The following SHROOM3 variants were observed in gnomAD, a reference collection of about 807,000 sequenced individuals.
SHROOM3 encodes shroom family member 3.
In SHROOM3, 47 loss-of-function variants were observed where a neutral mutation model predicts 138.6. The ratio of observed to expected loss-of-function variants is 0.34; its 90% confidence interval spans 0.27 to 0.43. The LOEUF (loss-of-function observed/expected upper bound fraction) is 0.43, where lower values mean the gene tolerates loss of function less well. Ranked by LOEUF, SHROOM3 falls within the 20% of genes least tolerant of loss-of-function variation. The pLI, the probability that SHROOM3 is intolerant of heterozygous loss-of-function variation, is 1.00. For missense variants in SHROOM3, 2,491 were observed against 2,596.5 expected (o/e 0.96, Z 0.88); for synonymous variants, 1,062 against 1,063.3 (o/e 1.00, Z 0.02).
rs1383430989 is a variant in SHROOM3, at chr4:76,664,590, T to G, written c.324-45566T>G. On this transcript the variant is annotated intron_variant, in intron 2 of 10. Transcript: ENST00000296043. The surrounding 1 kb of genome is among the most constrained non-coding windows in gnomAD (Gnocchi z 4.2). ...GTTGGTTTGAGGTTGGTCCTGGGCC[T>G]CTGGGTCTTTATGCTTTTGTTACTG... Among the ~76,000 whole-genome samples, 1 of 152,240 alleles carries G rather than the reference T, an allele frequency of 6.6e-6. No homozygotes were observed. Among genetic ancestry groups the G allele is most frequent in the East Asian group, 1.9e-4 (1 of 5,200 alleles).
rs374530154 is a variant in SHROOM3, at chr4:76,441,086, G to GT, written c.168+4887dup. Among the ~76,000 whole-genome samples, 1,802 of 82,050 alleles carry GT rather than the reference G, an allele frequency of 0.022. 292 individuals are homozygous for GT. The East Asian group carries it at 0.24, about 11-fold the overall frequency. 53.8% of individuals were successfully genotyped at this position (82,050 alleles called of 152,430 possible). ...TCAGCCACAGTCCTGAGTTCAATTT[G>GT]TTTTTTTTTTTTTTTTTTTTTGAGA... is the stretch of plus-strand genomic sequence containing the variant. On this transcript the variant is annotated intron_variant, in intron 1 of 10. Transcript: ENST00000296043.
intron 2 of SHROOM3, among the ~76,000 whole-genome samples, chr4:76,585,359 C>G (rs1164704371): frequency 3.3e-5 from 5 of 152,154 alleles, no homozygotes; most frequent in African/African-American, 4.8e-5. Flanking sequence ...CATTTACATA[C>G]CCATAAACTC....
chr4:76,592,512 G>T (rs1197109001), intron 2 of SHROOM3, among the ~76,000 whole-genome samples: 2 of 152,148 alleles, frequency 1.3e-5, no homozygotes, highest in Non-Finnish European at 2.9e-5. Flanking sequence ...AAAGTTAATT[G>T]TTTCTTATGA....
Position 76,710,280 on chromosome 4 carries a change from A to C in SHROOM3, c.448A>C (p.Lys150Gln). 6.2e-7 allele frequency: 1 copy of C among 1,614,048 alleles called. No homozygotes were observed. The highest frequency in any genetic ancestry group is 1.1e-5 in the South Asian group (1 of 91,068). ...AWSGGVKLRL[K>Q]HRRSEPAGRP... ...GTCAGGAGGGGTTAAACTTCGGCTG[A>C]AGCACAGGTAAGACGCACGGAAGTT... The change falls in exon 3 of 11, where the codon AAG becomes CAG. Residue 150 changes from lysine to glutamine, a missense_variant. Around this residue, in one of 4 missense-constraint regions of SHROOM3, gnomAD observed 284 missense variants for 322.8 expected, o/e 0.88. Transcript: ENST00000296043.
Position 76,754,432 on chromosome 4 carries a change from C to G in SHROOM3, c.3949C>G (p.Pro1317Ala). ...TGATTCCTCCGTTCCTAGTGAATGT[C>G]CTGGAACCCTGGACCATCAGAGGCA... Reference protein sequence around the residue: ...IGDSSVPSECPGTLDHQRQAS... With the variant: ...IGDSSVPSECAGTLDHQRQAS... The change falls in exon 7 of 11, where the codon CCT becomes GCT. Residue 1317 changes from proline (P) to alanine (A), a missense_variant. Physicochemically the swap from Pro to Ala is conservative, Grantham distance 27. Coordinates refer to ENST00000296043, the MANE Select transcript of SHROOM3 (RefSeq NM_020859.4). The G allele has an allele frequency of 6.2e-7, 1 of 1,614,152 alleles. No homozygotes were observed. The highest frequency in any genetic ancestry group is 1.1e-5 in the South Asian group (1 of 91,082).
At chr4:76,451,541 A>G (rs1343057840) in intron 1 of SHROOM3, among the ~76,000 whole-genome samples, 2 of 152,352 alleles carry the variant, frequency 1.3e-5, no homozygotes, top group South Asian at 2.1e-4. Context: ...GATGTGCGCT[A>G]GTGCCCTTTT....
At chr4:76,727,626 A>G (rs1577999316) in intron 3 of SHROOM3, among the ~76,000 whole-genome samples, 2 of 152,176 alleles carry the variant, frequency 1.3e-5, no homozygotes, top group East Asian at 3.9e-4. Flanking sequence ...ACGGTGGCTC[A>G]CGCCTGTAAT....
intron 1 of SHROOM3, among the ~76,000 whole-genome samples, chr4:76,503,196 C>CACACACACACAT (rs1732137893): frequency 6.6e-6 from 1 of 150,766 alleles, no homozygotes; most frequent in African/African-American, 2.5e-5. Flanking sequence ...CACACACACA[C>CACACACACACAT]ATGCCTAGAG....
intron 1 of SHROOM3, among the ~76,000 whole-genome samples, chr4:76,477,829 G>A (rs1045959829): frequency 3.3e-5 from 5 of 152,164 alleles, no homozygotes; most frequent in African/African-American, 1.2e-4. Context: ...TGGAGGGTGA[G>A]CAGAAGCAGG....
chr4:76,778,971 T>C lies in SHROOM3; in HGVS notation c.5785T>C (p.Ser1929Pro), dbSNP rs754161232. 1.9e-6 allele frequency: 3 copies of C among 1,614,066 alleles called. No homozygotes were observed. The South Asian group carries it at 3.3e-5, about 18-fold the overall frequency. ...CTACCAGCACTTCGTGAAAATGAAG[T>C]CCACGCTCCTCATTGAGCAACGGAA... ...QDYQHFVKMKSTLLIEQRKLD... is the reference protein window; with the variant it reads ...QDYQHFVKMKPTLLIEQRKLD... Residue 1929 changes from serine (S) to proline (P), a missense_variant, in exon 11 of 11, where the codon TCC becomes CCC. Around this residue, in one of 4 missense-constraint regions of SHROOM3, gnomAD observed 470 missense variants for 595.0 expected, o/e 0.79. Coordinates refer to ENST00000296043, the MANE Select transcript of SHROOM3 (RefSeq NM_020859.4).
intron 1 of SHROOM3, among the ~76,000 whole-genome samples, chr4:76,472,692 TTTC>T (rs1731398383): frequency 1.9e-5 from 2 of 104,538 alleles, no homozygotes; most frequent in South Asian, 5.7e-4. Context: ...GGAATGTTTC[TTTC>T]TTTCTTTTTT....
intron 1 of SHROOM3, among the ~76,000 whole-genome samples, chr4:76,515,385 GA>G (rs891342379): frequency 4.8e-5 from 7 of 145,336 alleles, no homozygotes; most frequent in Non-Finnish European, 4.6e-5. Flanking sequence ...GAACTTGTCT[GA>G]AAAAAAAAAG....
intron 1 of SHROOM3, among the ~76,000 whole-genome samples, chr4:76,523,732 A>G (rs998972448): frequency 6.6e-6 from 1 of 152,192 alleles, no homozygotes; most frequent in Non-Finnish European, 1.5e-5. Flanking sequence ...GCTTGGGAAC[A>G]TTAGGAAGCG....
intron 2 of SHROOM3, among the ~76,000 whole-genome samples, chr4:76,661,130 T>G (rs1314020701): frequency 1.3e-5 from 2 of 152,148 alleles, no homozygotes; most frequent in African/African-American, 4.8e-5. Context: ...TATTGAGAGA[T>G]AATTTATATA....
rs1304057472 is a variant in SHROOM3, at chr4:76,756,879, A to G, written c.5140A>G (p.Ser1714Gly). Residue 1714 changes from serine (S) to glycine (G), a missense_variant, in exon 8 of 11, where the codon AGT becomes GGT. By Grantham distance (56) the Ser-to-Gly change is moderately conservative (BLOSUM62 0). Transcript: ENST00000296043. ...AGATGTGAACTTGCTGAAGGAAAAC[A>G]GTGTAAAGAGGAAGGCCATACAGAG... ...PRDVNLLKEN[S>G]VKRKAIQRTV... 4 of 1,614,168 alleles carry G rather than the reference A, an allele frequency of 2.5e-6. No homozygotes were observed. The highest frequency in any genetic ancestry group is 2.7e-5 in the African/African-American group (2 of 75,032).
chr4:76,647,671 G>T (rs995943393), intron 2 of SHROOM3, among the ~76,000 whole-genome samples: 2 of 152,194 alleles, frequency 1.3e-5, no homozygotes, highest in Non-Finnish European at 2.9e-5. Context: ...AAGGCAGGCA[G>T]ATCGCTTGAG....
Position 76,741,061 on chromosome 4 carries a change from C to A in SHROOM3, c.2888C>A (p.Ser963Ter). The change falls in exon 5 of 11, where the codon TCG becomes TAG. Residue 963 changes from serine (S) to a stop codon, truncating the protein, a stop_gained. Transcript: ENST00000296043. LOFTEE classifies it high-confidence loss of function. The surrounding 1 kb of genome is among the most constrained non-coding windows in gnomAD (Gnocchi z 6.2). ...AGGTCCTGGCGGCCACGGCCTTCCT[C>A]GGCCCACGTGGGGCTGCGGAGCCCC... Reference protein sequence around the residue: ...ASRSWRPRPSSAHVGLRSPEA... With the variant: ...ASRSWRPRPS 6.6e-7 allele frequency: 1 copy of A among 1,507,174 alleles called. No individual in the cohort carries two copies. The highest frequency in any genetic ancestry group is 8.8e-7 in the Non-Finnish European group (1 of 1,131,766). 93.4% of individuals were successfully genotyped at this position (1,507,174 alleles called of 1,614,324 possible).
chr4:76,547,859 A>G (rs191754747), intron 1 of SHROOM3, among the ~76,000 whole-genome samples: 36 of 151,918 alleles, frequency 2.4e-4, no homozygotes, highest in Admixed American at 5.9e-4. Flanking sequence ...GAACCCAGGA[A>G]GCAGAGGTTG....
chr4:76,437,073 T>A (rs541525531), intron 1 of SHROOM3, among the ~76,000 whole-genome samples: 1 of 152,210 alleles, frequency 6.6e-6, no homozygotes, highest in African/African-American at 2.4e-5. Flanking sequence ...GCATTTGAGC[T>A]CTGTTATTGG....
Sources: allele counts gnomAD v4.1 joint callset (sites outside exome capture counted in the v4.1 genomes callset), GRCh38; gene constraint gnomAD v4.1.1; regional missense constraint gnomAD v4.1.1; non-coding constraint Gnocchi (gnomAD v3.1); transcripts MANE v1.5; gene names NCBI Gene and HGNC (gene_info 2026-07-23, HGNC 2026-07-21).